ELMOD1: variants seen among roughly 807,000 people sequenced by gnomAD.
ELMOD1 encodes the protein ELMO domain-containing protein 1.
In ELMOD1, 21 loss-of-function variants were observed where a neutral mutation model predicts 46.7. That is an observed-to-expected ratio of 0.45 (90% CI 0.32 to 0.65). The LOEUF (loss-of-function observed/expected upper bound fraction) is 0.65, where lower values mean the gene tolerates loss of function less well. Ranked by LOEUF, ELMOD1 falls within the 30% of genes least tolerant of loss-of-function variation. ELMOD1 has a pLI of 0.04. For missense variants in ELMOD1, 348 were observed against 407.8 expected (o/e 0.85, Z 1.26); for synonymous variants, 122 against 138.2 (o/e 0.88, Z 0.82).
chr11:107,593,209 A>G (rs186692993), intron 1 of ELMOD1: 8 of 152,722 alleles, frequency 5.2e-5, no homozygotes, highest in Admixed American at 4.6e-4. Context: ...AATGAAGAAA[A>G]TAAATCTCCA....
intron 2 of ELMOD1, among the ~76,000 whole-genome samples, chr11:107,620,718 A>T (rs192770315): frequency 9.9e-5 from 15 of 152,232 alleles, no homozygotes; most frequent in African/African-American, 3.6e-4. Flanking sequence ...ACAGAAATTA[A>T]CTGGGTGTGG....
intron 10 of ELMOD1, among the ~76,000 whole-genome samples, chr11:107,655,076 C>CA (rs1298505900): frequency 6.6e-6 from 1 of 151,924 alleles, no homozygotes; most frequent in Non-Finnish European, 1.5e-5. Flanking sequence ...GAAAAGTAAA[C>CA]AAAAAATCAC....
chr11:107,607,105 A>T (rs1865697982), intron 1 of ELMOD1, among the ~76,000 whole-genome samples: 1 of 152,188 alleles, frequency 6.6e-6, no homozygotes, highest in Admixed American at 6.5e-5. Flanking sequence ...CCATCACTGA[A>T]GAAGGGGTGG....
chr11:107,625,642 A>T, intron 2 of ELMOD1: 1 of 860,860 alleles, frequency 1.2e-6, no homozygotes, highest in African/African-American at 1.8e-5. Context: ...AAGCGCCACA[A>T]GACCGGAGGT....
At chr11:107,632,028 A>G (rs1270061395) in intron 5 of ELMOD1, among the ~76,000 whole-genome samples, 2 of 152,206 alleles carry the variant, frequency 1.3e-5, no homozygotes, top group East Asian at 3.8e-4. Flanking sequence ...GCTTAAGCTG[A>G]TTCTGTTCCA....
intron 5 of ELMOD1, among the ~76,000 whole-genome samples, chr11:107,635,228 T>C (rs1866208013): frequency 1.3e-5 from 2 of 152,202 alleles, no homozygotes; most frequent in African/African-American, 4.8e-5. Context: ...AAGAGCCCAG[T>C]ATTACCTATA....
chr11:107,650,344 G>A lies in ELMOD1; in HGVS notation c.564G>A (p.Ala188=), dbSNP rs368957163. The change falls in exon 8 of 12, where the codon GCG becomes GCA. Residue 188 remains alanine, a synonymous_variant. Transcript: ENST00000265840. ...TTCCCTCCCGCTGCAGGTATTTCGC[G>A]GAAAGGGATGCCACAGCAGCTCAGC... ...LLGLYNLQYF[A]ERDATAAQQV... 5.7e-6 allele frequency: 9 copies of A among 1,585,096 alleles called. No homozygotes were observed. The African/African-American group carries it at 6.7e-5, about 12-fold the overall frequency.
intron 2 of ELMOD1, chr11:107,625,563 G>A (rs1347824912): frequency 3.0e-6 from 3 of 985,318 alleles, no homozygotes; most frequent in Non-Finnish European, 3.6e-6. Flanking sequence ...CACAGGCAAG[G>A]GGCTACATGG....
chr11:107,663,584 G>A (rs72992626), intron 11 of ELMOD1, among the ~76,000 whole-genome samples: 1,673 of 152,196 alleles, frequency 0.011, 20 homozygotes, highest in Non-Finnish European at 0.015. Context: ...ATATAAGCAT[G>A]CTTAACAATG....
chr11:107,653,140 G>A (rs1438590834), intron 9 of ELMOD1, among the ~76,000 whole-genome samples: 3 of 152,116 alleles, frequency 2.0e-5, no homozygotes, highest in Admixed American at 6.6e-5. Flanking sequence ...AAGGCCATAT[G>A]ACCTTAGTGT....
chr11:107,595,563 A>G (rs1361591949), intron 1 of ELMOD1, among the ~76,000 whole-genome samples: 1 of 152,172 alleles, frequency 6.6e-6, no homozygotes, highest in Non-Finnish European at 1.5e-5. Flanking sequence ...CCTCAATGAC[A>G]GTTTATGTGG....
At chr11:107,596,039 A>T (rs1176997301) in intron 1 of ELMOD1, among the ~76,000 whole-genome samples, 4 of 152,108 alleles carry the variant, frequency 2.6e-5, no homozygotes, top group Non-Finnish European at 5.9e-5. Context: ...TTAAAAAATC[A>T]GTCTCATGCA....
intron 1 of ELMOD1, among the ~76,000 whole-genome samples, chr11:107,597,430 TA>T (rs1257367520): frequency 2.0e-5 from 3 of 152,116 alleles, no homozygotes; most frequent in African/African-American, 7.2e-5. Flanking sequence ...GATTCACAGA[TA>T]AATAGAGCCC....
At chr11:107,654,615 A>G (rs1392794281) in intron 10 of ELMOD1, among the ~76,000 whole-genome samples, 2 of 152,116 alleles carry the variant, frequency 1.3e-5, no homozygotes, top group African/African-American at 4.8e-5. Context: ...TAAAAATACA[A>G]AAAATTAGCC....
At chr11:107,617,143 T>C (rs989225318) in intron 1 of ELMOD1, among the ~76,000 whole-genome samples, 8 of 152,128 alleles carry the variant, frequency 5.3e-5, no homozygotes, top group African/African-American at 1.9e-4. Context: ...GCAACCACAG[T>C]CTTAAATTGG....
intron 10 of ELMOD1, among the ~76,000 whole-genome samples, chr11:107,655,247 A>G (rs1212045696): frequency 6.6e-6 from 1 of 152,186 alleles, no homozygotes; most frequent in Non-Finnish European, 1.5e-5. Flanking sequence ...AATCAGGTGT[A>G]GTATATTATA....
At chr11:107,650,475 T>A in intron 8 of ELMOD1, 72 bp downstream of exon 8, 1 of 1,061,768 alleles carries the variant, frequency 9.4e-7, no homozygotes, top group Non-Finnish European at 1.4e-6. Context: ...CCTACATGTA[T>A]CTGTTGATGA....
Position 107,650,245 on chromosome 11 carries a change from G to A in ELMOD1, c.555-90G>A, listed in dbSNP as rs996127221. 18 of 913,312 alleles carry A rather than the reference G, an allele frequency of 2.0e-5. No homozygotes were observed. In the African/African-American group the frequency reaches 2.6e-4, roughly 13 times the overall value. 56.6% of individuals were successfully genotyped at this position (913,312 alleles called of 1,614,324 possible). The stretch of plus-strand genomic sequence containing the variant: ...AACCTTATGCCAGTATCCATCTCTG[G>A]ATTCAAAATGACCTCGAATTGGATT... On this transcript the variant is annotated intron_variant, in intron 7 of 11. Coordinates refer to ENST00000265840, the MANE Select transcript of ELMOD1 (RefSeq NM_018712.4).
intron 1 of ELMOD1, among the ~76,000 whole-genome samples, chr11:107,611,240 T>C (rs1025011552): frequency 6.6e-6 from 1 of 151,888 alleles, no homozygotes; most frequent in African/African-American, 2.4e-5. Context: ...CCAGGCTTAA[T>C]TAAACTAAAG....
Sources: allele counts gnomAD v4.1 joint callset (sites outside exome capture counted in the v4.1 genomes callset), GRCh38; gene constraint gnomAD v4.1.1; transcripts MANE v1.5; gene names NCBI Gene and HGNC (gene_info 2026-07-23, HGNC 2026-07-21).